SPTBN1: variants seen among roughly 807,000 people sequenced by gnomAD.
SPTBN1 encodes spectrin beta, non-erythrocytic 1.
In SPTBN1, 32 loss-of-function variants were observed where a neutral mutation model predicts 266.4. That is an observed-to-expected ratio of 0.12 (90% CI 0.09 to 0.16). SPTBN1 has a LOEUF of 0.16. Ranked by LOEUF, SPTBN1 falls within the 10% of genes least tolerant of loss-of-function variation. The probability of loss-of-function intolerance (pLI) is 1.00; values close to 1 mark genes in which losing one functional copy is unlikely to be tolerated. For synonymous variants in SPTBN1, 1,336 were observed against 1,162.2 expected, an observed-to-expected ratio of 1.15 and a Z score of -3.04; for missense variants, 2,296 against 3,067.1, an observed-to-expected ratio of 0.75 and a Z score of 5.94.
At chr2:54,581,577 C>CTTTTTTTTTTTTTTTT (rs70944181) in intron 2 of SPTBN1, among the ~76,000 whole-genome samples, 83 of 102,628 alleles carry the variant, frequency 8.1e-4, no homozygotes, top group African/African-American at 2.7e-3. Context: ...TTTCTTTGCC[C>CTTTTTTTTTTTTTTTT]TTTTTTTTTT....
intron 18 of SPTBN1, among the ~76,000 whole-genome samples, chr2:54,641,182 G>A (rs1035543738): frequency 1.1e-4 from 16 of 152,220 alleles, no homozygotes; most frequent in Non-Finnish European, 1.8e-4. Context: ...TGATGAACTA[G>A]CAAGTTCCAT....
chr2:54,505,777 G>A (rs73932785), intron 1 of SPTBN1, among the ~76,000 whole-genome samples: 1,803 of 152,210 alleles, frequency 0.012, 36 homozygotes, highest in African/African-American at 0.041. Context: ...AGCTTGCCAC[G>A]TTTTCCTTGA....
At chr2:54,602,687 A>C (rs1362064129) in intron 3 of SPTBN1, among the ~76,000 whole-genome samples, 1 of 152,066 alleles carries the variant, frequency 6.6e-6, no homozygotes, top group Non-Finnish European at 1.5e-5. Flanking sequence ...TTACTCCATC[A>C]GTCATTCTCT....
intron 26 of SPTBN1, among the ~76,000 whole-genome samples, 155 bp downstream of exon 26, chr2:54,650,144 G>A (rs967568489): frequency 6.6e-6 from 1 of 152,154 alleles, no homozygotes; most frequent in Non-Finnish European, 1.5e-5. Context: ...GCTCCATTTG[G>A]GAGAACTTAT....
In SPTBN1 at chr2:54,671,042, A is replaced by G. The variant is rs1266505355; in HGVS notation, c.*2473A>G. ...CATAATGCTGTGCTATTTTACCCTG[A>G]TTTTCAGTGATACAATATGGGTGAC... On this transcript the variant is annotated 3_prime_UTR_variant, in exon 36 of 36. Coordinates refer to ENST00000356805, the MANE Select transcript of SPTBN1 (RefSeq NM_003128.3). 3.5e-5 allele frequency: 13 copies of G among 374,358 alleles called. No homozygotes were observed. Among genetic ancestry groups the G allele is most frequent in the Non-Finnish European group, 4.2e-5 (9 of 211,884 alleles). 23.2% of individuals were successfully genotyped at this position (374,358 alleles called of 1,614,324 possible).
At chr2:54,477,743 C>G (rs1667908477) in intron 1 of SPTBN1, among the ~76,000 whole-genome samples, 1 of 152,146 alleles carries the variant, frequency 6.6e-6, no homozygotes, top group Non-Finnish European at 1.5e-5. Context: ...GAAACCCCGT[C>G]TCTACTAAAA....
chr2:54,633,395 AT>A (rs1232347900), intron 17 of SPTBN1, among the ~76,000 whole-genome samples: 3 of 150,866 alleles, frequency 2.0e-5, no homozygotes, highest in Non-Finnish European at 3.0e-5. Context: ...GTTTAAAATT[AT>A]TTTTTTATTT....
intron 11 of SPTBN1, among the ~76,000 whole-genome samples, chr2:54,625,691 A>G (rs1183565235): frequency 1.3e-5 from 2 of 152,016 alleles, no homozygotes; most frequent in African/African-American, 4.8e-5. Flanking sequence ...CCCAGGTTCA[A>G]GCGATTTTCC....
At chr2:54,470,133 G>T (rs1693847416) in intron 1 of SPTBN1, among the ~76,000 whole-genome samples, 1 of 152,202 alleles carries the variant, frequency 6.6e-6, no homozygotes, top group Non-Finnish European at 1.5e-5. Flanking sequence ...TTTCATCCTA[G>T]TTCTAGAAAT....
intron 1 of SPTBN1, among the ~76,000 whole-genome samples, chr2:54,503,749 T>C (rs1259348640): frequency 1.3e-5 from 2 of 152,206 alleles, no homozygotes; most frequent in Non-Finnish European, 2.9e-5. Flanking sequence ...AACTGCTGAA[T>C]ACATAACTAT....
At chr2:54,600,206 C>T (rs963315185) in intron 3 of SPTBN1, among the ~76,000 whole-genome samples, 1 of 152,208 alleles carries the variant, frequency 6.6e-6, no homozygotes, top group African/African-American at 2.4e-5. Context: ...TAAGGTTGTC[C>T]CTTGTCCTAT....
chr2:54,586,323 T>A (rs1415223628), intron 2 of SPTBN1, among the ~76,000 whole-genome samples: 1 of 152,144 alleles, frequency 6.6e-6, no homozygotes, highest in East Asian at 1.9e-4. Flanking sequence ...CCAAAAAGGG[T>A]TTAGGTGACT....
At chr2:54,534,150 C>T (rs1230285545) in intron 2 of SPTBN1, among the ~76,000 whole-genome samples, 1 of 152,134 alleles carries the variant, frequency 6.6e-6, no homozygotes, top group Non-Finnish European at 1.5e-5. Flanking sequence ...TAGTATATGC[C>T]ATCTCACGCC....
At chr2:54,568,315 A>C (rs1483803305) in intron 2 of SPTBN1, among the ~76,000 whole-genome samples, 2 of 144,584 alleles carry the variant, frequency 1.4e-5, no homozygotes, top group East Asian at 4.1e-4. Flanking sequence ...GCACCACTGC[A>C]TTCCAGCCTG....
At chr2:54,563,449 G>A (rs1673452412) in intron 2 of SPTBN1, among the ~76,000 whole-genome samples, 1 of 152,074 alleles carries the variant, frequency 6.6e-6, no homozygotes, top group Admixed American at 6.5e-5. Context: ...AGAGATTAAA[G>A]AATTTCAGGT....
chr2:54,562,533 C>CTTTTTT (rs1553447705), intron 2 of SPTBN1, among the ~76,000 whole-genome samples: 47 of 126,826 alleles, frequency 3.7e-4, no homozygotes, highest in Non-Finnish European at 6.2e-4. Flanking sequence ...TTTTCTTTTT[C>CTTTTTT]TTTTTTTTTT....
At chr2:54,590,195 C>T (rs1441540284) in intron 2 of SPTBN1, among the ~76,000 whole-genome samples, 1 of 152,186 alleles carries the variant, frequency 6.6e-6, no homozygotes, top group African/African-American at 2.4e-5. Flanking sequence ...GACAGCACCA[C>T]AAAATTGCAT....
At chr2:54,557,658 C>T in intron 2 of SPTBN1, 2 of 928,780 alleles carry the variant, frequency 2.2e-6, no homozygotes, top group Non-Finnish European at 2.6e-6. Context: ...GGGATCTCGG[C>T]GGTGTTTACC....
rs1680784983 is a variant in SPTBN1 at position 54,657,948 on chromosome 2, G to A, written c.6145G>A (p.Val2049Met). The A allele has an allele frequency of 8.7e-6, 14 of 1,614,140 alleles. No homozygotes were observed. Among genetic ancestry groups the A allele is most frequent in the Non-Finnish European group, 1.0e-5 (12 of 1,180,050 alleles). ...ATCCAGCCGAGAGATAGGCCAGAGCGTGGACGAGGTGGAGAAGCTCATCAA... is the reference window on the plus strand; with the variant it reads ...ATCCAGCCGAGAGATAGGCCAGAGCATGGACGAGGTGGAGAAGCTCATCAA... ...YLSSREIGQS[V>M]DEVEKLIKRH... Residue 2049 changes from valine (V) to methionine (M), a missense_variant, in exon 30 of 36, where the codon GTG (valine) becomes ATG (methionine). Physicochemically the swap from Val to Met is conservative, Grantham distance 21. This residue lies in a region of SPTBN1 where 644 missense variants were observed against 745.3 expected (regional missense o/e 0.86). Transcript: ENST00000356805.
Sources: gnomAD v4.1 joint callset for allele counts (sites outside exome capture counted in the v4.1 genomes callset) on GRCh38, gnomAD v4.1.1 for gene constraint, gnomAD v4.1.1 regional missense constraint, MANE v1.5 for transcripts, NCBI Gene and HGNC (gene_info 2026-07-23, HGNC 2026-07-21) for gene names.